LIMCH1: variants seen among roughly 807,000 people sequenced by gnomAD.
LIMCH1 encodes LIM and calponin homology domains 1.
Under a neutral mutation model 176.5 loss-of-function variants are expected in LIMCH1, and 113 were observed. That is an observed-to-expected ratio of 0.64 (90% CI 0.55 to 0.75). The LOEUF (loss-of-function observed/expected upper bound fraction) is 0.75. Among genes scored for constraint, LIMCH1 ranks in the 30% least tolerant of loss-of-function variants. LIMCH1 has a pLI of 0.00. For missense variants in LIMCH1, 1,674 were observed against 1,814.9 expected, an observed-to-expected ratio of 0.92 and a Z score of 1.41; for synonymous variants, 619 against 645.9, an observed-to-expected ratio of 0.96 and a Z score of 0.63.
Position 41,660,413 on chromosome 4 carries a change from A to G in LIMCH1, c.3037-1007A>G, listed in dbSNP as rs75477448. ...TGCCATGGAGATGAACATGACAGTG[A>G]TGTACCAAGTGGATTGGACAGTGAG... On this transcript the variant is annotated intron_variant, in intron 18 of 31. Coordinates refer to ENST00000503057, the MANE Select transcript of LIMCH1 (RefSeq NM_001330672.2). 9.8e-3 allele frequency among the ~76,000 whole-genome samples: 1,498 copies of G among 152,326 alleles called. 18 individuals are homozygous for G. The highest frequency in any genetic ancestry group is 0.034 in the African/African-American group (1,419 of 41,580).
chr4:41,360,632 C>A (rs987425354), upstream of LIMCH1: 6 of 289,418 alleles, frequency 2.1e-5, no homozygotes, highest in East Asian at 3.7e-4. This position sits in a 1 kb window ranked among gnomAD's most constrained non-coding sequence, Gnocchi z 4.5. Flanking sequence ...GGGTCACTCA[C>A]GGCGCGTTGG....
intron 14 of LIMCH1, among the ~76,000 whole-genome samples, chr4:41,642,329 CTG>C (rs1186008647): frequency 1.3e-5 from 2 of 150,572 alleles, no homozygotes; most frequent in African/African-American, 2.4e-5. Flanking sequence ...TTTTTTTAAA[CTG>C]TGAGAGGAAG....
chr4:41,619,606 A>ATAGAAGCT (rs1221238064), intron 6 of LIMCH1, 166 bp downstream of exon 6: 19 of 896,294 alleles, frequency 2.1e-5, no homozygotes, highest in Non-Finnish European at 3.1e-5. Context: ...TCAGGAGAAA[A>ATAGAAGCT]TAGAAGCTTC....
chr4:41,476,248 G>C (rs898398438), intron 1 of LIMCH1, among the ~76,000 whole-genome samples: 1 of 152,186 alleles, frequency 6.6e-6, no homozygotes, highest in Middle Eastern at 3.2e-3. Context: ...TGGTTGGTTG[G>C]TTAAACATGA....
At chr4:41,676,740 T>C (rs1464572503) in intron 23 of LIMCH1, among the ~76,000 whole-genome samples, 1 of 152,192 alleles carries the variant, frequency 6.6e-6, no homozygotes, top group Non-Finnish European at 1.5e-5. Flanking sequence ...TACCCATTCA[T>C]CACCTCCTTA....
intron 1 of LIMCH1, among the ~76,000 whole-genome samples, chr4:41,463,238 G>A (rs2065633877): frequency 6.6e-6 from 1 of 151,958 alleles, no homozygotes; most frequent in Admixed American, 6.6e-5. Context: ...TTGGGTATCA[G>A]CTGCTGAAGA....
chr4:41,484,216 C>T (rs780549092), intron 1 of LIMCH1, among the ~76,000 whole-genome samples: 5 of 152,152 alleles, frequency 3.3e-5, no homozygotes, highest in African/African-American at 4.8e-5. Context: ...TATTGAAAAC[C>T]ACACATCTTT....
chr4:41,467,078 T>A (rs1055428255), intron 1 of LIMCH1, among the ~76,000 whole-genome samples: 2 of 151,996 alleles, frequency 1.3e-5, no homozygotes, highest in Non-Finnish European at 2.9e-5. Flanking sequence ...CATGCCTTCA[T>A]CCATGTTATA....
At chr4:41,657,321 T>C (rs549807868) in intron 18 of LIMCH1, among the ~76,000 whole-genome samples, 1 of 152,352 alleles carries the variant, frequency 6.6e-6, no homozygotes, top group South Asian at 2.1e-4. Flanking sequence ...GCGGGTTTGT[T>C]TGAAGCAAAC....
At chr4:41,473,034 C>T (rs1438876679) in intron 1 of LIMCH1, 1 of 984,600 alleles carries the variant, frequency 1.0e-6, no homozygotes, top group African/African-American at 1.8e-5. Flanking sequence ...GGCCAATCTC[C>T]ACGAAATAAT....
intron 30 of LIMCH1, among the ~76,000 whole-genome samples, chr4:41,691,147 C>T (rs937432474): frequency 1.3e-5 from 2 of 152,094 alleles, no homozygotes; most frequent in Non-Finnish European, 2.9e-5. Flanking sequence ...CTGGAGCTGG[C>T]CTGATGCTTT....
At chr4:41,642,502 G>A (rs2093865643) in intron 14 of LIMCH1, among the ~76,000 whole-genome samples, 1 of 151,872 alleles carries the variant, frequency 6.6e-6, no homozygotes, top group Admixed American at 6.6e-5. Flanking sequence ...AAAAATCACA[G>A]CCCTTCTCCT....
chr4:41,659,128 C>T (rs938332939), intron 18 of LIMCH1, among the ~76,000 whole-genome samples: 1 of 152,128 alleles, frequency 6.6e-6, no homozygotes, highest in African/African-American at 2.4e-5. Context: ...ATATAGCAAA[C>T]AATGTAAACA....
chr4:41,433,676 C>CTTTT (rs35230578), intron 1 of LIMCH1, among the ~76,000 whole-genome samples: 1 of 130,268 alleles, frequency 7.7e-6, no homozygotes, highest in South Asian at 2.7e-4. Flanking sequence ...TGTTAGTCTT[C>CTTTT]TTTTTTTTTT....
At chr4:41,574,520 C>T (rs748237208) in intron 1 of LIMCH1, among the ~76,000 whole-genome samples, 5 of 151,824 alleles carry the variant, frequency 3.3e-5, no homozygotes, top group Non-Finnish European at 5.9e-5. Flanking sequence ...AACTCTTGAC[C>T]TCAGGTGATC....
At chr4:41,371,205 A>C (rs1479591416) in intron 1 of LIMCH1, among the ~76,000 whole-genome samples, 2 of 152,136 alleles carry the variant, frequency 1.3e-5, no homozygotes, top group Non-Finnish European at 1.5e-5. Flanking sequence ...TCATTCCCTT[A>C]ATGGTTCAAT....
chr4:41,403,123 G>C (rs1254957876), intron 1 of LIMCH1, among the ~76,000 whole-genome samples: 1 of 151,438 alleles, frequency 6.6e-6, no homozygotes, highest in East Asian at 1.9e-4. Flanking sequence ...AAAAAGCCTA[G>C]TACCATATCT....
At chr4:41,546,711 T>A (rs550566674) in intron 1 of LIMCH1, among the ~76,000 whole-genome samples, 2 of 152,286 alleles carry the variant, frequency 1.3e-5, no homozygotes, top group Admixed American at 1.3e-4. Flanking sequence ...GGCACTAAAA[T>A]AGTAATGAGC....
chr4:41,360,026 GGTGTGTGT>G (rs35179191), upstream of LIMCH1, among the ~76,000 whole-genome samples: 27 of 145,868 alleles, frequency 1.9e-4, no homozygotes, highest in African/African-American at 2.3e-4. The surrounding 1 kb of genome is among the most constrained non-coding windows in gnomAD (Gnocchi z 4.5). Flanking sequence ...GGGTGTGTAG[GGTGTGTGT>G]GTGTGTGTGT....
Sources: allele counts gnomAD v4.1 joint callset (sites outside exome capture counted in the v4.1 genomes callset), GRCh38; gene constraint gnomAD v4.1.1; non-coding constraint Gnocchi (gnomAD v3.1); transcripts MANE v1.5; gene names NCBI Gene and HGNC (gene_info 2026-07-23, HGNC 2026-07-21).